ARHGAP42: variants seen among roughly 807,000 people sequenced by gnomAD.
The protein encoded by ARHGAP42 is rho GTPase-activating protein 42.
ARHGAP42 carries 63 observed loss-of-function variants against 125.0 expected under a neutral mutation model. The ratio of observed to expected loss-of-function variants is 0.50; its 90% CI spans 0.41 to 0.62. The LOEUF is 0.62. Ranked by LOEUF, ARHGAP42 falls within the 20% of genes least tolerant of loss-of-function variation. ARHGAP42 has a pLI of 0.00. For synonymous variants in ARHGAP42, 339 were observed against 351.0 expected (o/e 0.97, Z 0.38); for missense variants, 766 against 1,024.2 (o/e 0.75, Z 3.44).
intron 1 of ARHGAP42, among the ~76,000 whole-genome samples, chr11:100,750,831 T>C (rs547540223): frequency 2.6e-5 from 4 of 152,192 alleles, no homozygotes; most frequent in Non-Finnish European, 5.9e-5. Flanking sequence ...ACTGACATAT[T>C]GATTCTTTGA....
In ARHGAP42 at chr11:100,885,914, A is replaced by G. The variant is rs965743083; in HGVS notation, c.384+26289A>G. 2.0e-5 allele frequency among the ~76,000 whole-genome samples: 3 copies of G among 152,330 alleles called. No individual in the cohort carries two copies. In the East Asian group the frequency reaches 5.8e-4, roughly 29 times the overall value. The stretch of plus-strand genomic sequence containing the variant: ...CACAAAAAGAACTAAGTGCTGTGGG[A>G]AAAGAGGTGTACTGTTTCCCCGTAA... On this transcript the variant is annotated intron_variant, in intron 4 of 23. Transcript: ENST00000298815.
In ARHGAP42 at chr11:100,973,268, G is replaced by A; in HGVS notation, c.1644G>A (p.Val548=). The A allele has an allele frequency of 6.4e-7, 1 of 1,551,048 alleles. No individual in the cohort carries two copies. Among genetic ancestry groups the A allele is most frequent in the East Asian group, 2.4e-5 (1 of 40,854 alleles). Residue 548 remains valine (V), a synonymous_variant, in exon 18 of 24, where the codon GTG becomes GTA. Coordinates refer to ENST00000298815, the MANE Select transcript of ARHGAP42 (RefSeq NM_152432.4). ...PTLMRAQEET[V]AAMMNIKFQN... ...TAATGAGAGCACAGGAAGAAACTGT[G>A]GCTGCTATGATGAATATTAAATTTC...
intron 4 of ARHGAP42, among the ~76,000 whole-genome samples, chr11:100,903,709 A>AAAAAAAAAAT (rs1332890022): frequency 1.0e-3 from 64 of 63,478 alleles, no homozygotes; most frequent in African/African-American, 2.1e-3. Context: ...TGTCCCTCAA[A>AAAAAAAAAAT]ATATATATAT....
chr11:100,962,108 A>G (rs1415132892), intron 15 of ARHGAP42, among the ~76,000 whole-genome samples: 1 of 151,936 alleles, frequency 6.6e-6, no homozygotes, highest in Non-Finnish European at 1.5e-5. Context: ...TATTGTTCCC[A>G]TATTTGTTCC....
intron 4 of ARHGAP42, among the ~76,000 whole-genome samples, chr11:100,873,925 C>T (rs1293505482): frequency 6.6e-6 from 1 of 152,198 alleles, no homozygotes; most frequent in Non-Finnish European, 1.5e-5. Flanking sequence ...AAGAAGACAG[C>T]TTATGAGCAA....
At chr11:100,930,180 A>G (rs536139826) in intron 6 of ARHGAP42, among the ~76,000 whole-genome samples, 65 of 152,336 alleles carry the variant, frequency 4.3e-4, no homozygotes, top group African/African-American at 1.5e-3. Context: ...GGGTAAACTG[A>G]AACCATAGTT....
intron 1 of ARHGAP42, among the ~76,000 whole-genome samples, chr11:100,741,467 T>G (rs1232876355): frequency 6.6e-6 from 1 of 152,238 alleles, no homozygotes; most frequent in Non-Finnish European, 1.5e-5. Context: ...ATTTGTGGGC[T>G]GTTTCCTGTT....
At chr11:100,751,773 CTTTTTTT>C (rs757372755) in intron 1 of ARHGAP42, among the ~76,000 whole-genome samples, 13 of 84,418 alleles carry the variant, frequency 1.5e-4, no homozygotes, top group African/African-American at 5.8e-4. Context: ...AGACAGGCAC[CTTTTTTT>C]TTTTTTTTTT....
chr11:100,961,605 C>A, intron 14 of ARHGAP42, 79 bp from the exon 15 acceptor site: 1 of 1,240,274 alleles, frequency 8.1e-7, no homozygotes, highest in South Asian at 1.4e-5. Context: ...GACCTACTTA[C>A]GTTTGTGCCC....
At chr11:100,722,673 G>A (rs1042562514) in intron 1 of ARHGAP42, among the ~76,000 whole-genome samples, 1 of 152,194 alleles carries the variant, frequency 6.6e-6, no homozygotes, top group East Asian at 1.9e-4. Context: ...ACAGGCGCAA[G>A]CCACCGCGCA....
At chr11:100,970,514 AT>A (rs948046639) in intron 17 of ARHGAP42, among the ~76,000 whole-genome samples, 1 of 151,908 alleles carries the variant, frequency 6.6e-6, no homozygotes, top group African/African-American at 2.4e-5. Flanking sequence ...CTGCTAGTAG[AT>A]TGCTCTGTTG....
chr11:100,695,513 C>T (rs1591111409), intron 1 of ARHGAP42, among the ~76,000 whole-genome samples: 1 of 152,148 alleles, frequency 6.6e-6, no homozygotes, highest in African/African-American at 2.4e-5. Flanking sequence ...CCATGTTGGT[C>T]AGGCTGGTCT....
chr11:100,902,818 C>G (rs1202444871), intron 4 of ARHGAP42, among the ~76,000 whole-genome samples: 1 of 152,150 alleles, frequency 6.6e-6, no homozygotes, highest in Non-Finnish European at 1.5e-5. Context: ...TCTGTCCTCT[C>G]CCATGACTGC....
At chr11:100,741,114 T>G (rs895739080) in intron 1 of ARHGAP42, among the ~76,000 whole-genome samples, 9 of 152,298 alleles carry the variant, frequency 5.9e-5, no homozygotes, top group African/African-American at 1.9e-4. Context: ...CACTTCAGCC[T>G]CCATCTCCTG....
At chr11:100,815,533 A>T (rs1438568744) in intron 3 of ARHGAP42, among the ~76,000 whole-genome samples, 1 of 152,200 alleles carries the variant, frequency 6.6e-6, no homozygotes, top group Non-Finnish European at 1.5e-5. Flanking sequence ...TAGTTCCCAG[A>T]TAGATGTGCA....
chr11:100,878,001 T>A (rs1865864467), intron 4 of ARHGAP42, among the ~76,000 whole-genome samples: 1 of 106,038 alleles, frequency 9.4e-6, no homozygotes, highest in African/African-American at 4.1e-5. Context: ...CGAGACTCTG[T>A]CCCAGAAAAA....
chr11:100,900,207 TTTTC>T (rs1866504744), intron 4 of ARHGAP42, among the ~76,000 whole-genome samples: 1 of 152,220 alleles, frequency 6.6e-6, no homozygotes, highest in Admixed American at 6.5e-5. Context: ...TTGAAAATTC[TTTTC>T]TTTAAGAATG....
rs376482265 is a variant in ARHGAP42 at position 100,985,010 on chromosome 11, A to G, written c.2457-2503A>G. ...GCACAGATAATTGAAAAGTCATGAC[A>G]GGTAGTATTTTGTGCTGTGTGATTT... On this transcript the variant is annotated intron_variant, in intron 22 of 23. Coordinates refer to ENST00000298815, the MANE Select transcript of ARHGAP42 (RefSeq NM_152432.4). 2.6e-5 allele frequency among the ~76,000 whole-genome samples: 4 copies of G among 152,294 alleles called. No individual in the cohort carries two copies. In the South Asian group the frequency reaches 8.3e-4, roughly 32 times the overall value.
chr11:100,820,504 T>C (rs1591208838), intron 3 of ARHGAP42, among the ~76,000 whole-genome samples: 1 of 152,272 alleles, frequency 6.6e-6, no homozygotes, highest in Admixed American at 6.5e-5. Context: ...TTAAAAAGAT[T>C]AAAGAAACTT....
Sources: gnomAD v4.1 joint callset for allele counts (sites outside exome capture counted in the v4.1 genomes callset) on GRCh38, gnomAD v4.1.1 for gene constraint, MANE v1.5 for transcripts, NCBI Gene and HGNC (gene_info 2026-07-23, HGNC 2026-07-21) for gene names.